Variants in PDZD2 observed in about 807,000 individuals in gnomAD.
The protein encoded by PDZD2 is PDZ domain-containing protein 2.
In PDZD2, 90 loss-of-function variants were observed where a neutral mutation model predicts 220.7. The observed-to-expected ratio is 0.41, with a 90% CI of 0.34 to 0.49. The LOEUF (loss-of-function observed/expected upper bound fraction) is 0.49. PDZD2 is among the 20% of genes least tolerant of loss of function. The probability of loss-of-function intolerance (pLI) is 0.28; values close to 1 mark genes in which losing one functional copy is unlikely to be tolerated. For synonymous variants in PDZD2, 1,375 were observed against 1,450.5 expected (o/e 0.95, Z 1.18); for missense variants, 3,174 against 3,608.5 (o/e 0.88, Z 3.08).
chr5:31,705,905 C>T (rs1282851436), intron 1 of PDZD2, among the ~76,000 whole-genome samples: 1 of 152,096 alleles, frequency 6.6e-6, no homozygotes, highest in Non-Finnish European at 1.5e-5. Context: ...ACAAAATTTA[C>T]CTGGGCGTGG....
At chr5:31,767,081 G>C (rs1752073113) in intron 1 of PDZD2, among the ~76,000 whole-genome samples, 1 of 145,576 alleles carries the variant, frequency 6.9e-6, no homozygotes. Flanking sequence ...GTGGAGACTG[G>C]AGTGCAGTGG....
intron 1 of PDZD2, among the ~76,000 whole-genome samples, chr5:31,682,355 C>G (rs1746684210): frequency 6.6e-6 from 1 of 152,142 alleles, no homozygotes; most frequent in Non-Finnish European, 1.5e-5. Context: ...AAACTGTCCC[C>G]CGGGAGAATG....
At chr5:31,964,802 G>A (rs6895106) in intron 2 of PDZD2, among the ~76,000 whole-genome samples, 14,377 of 152,154 alleles carry the variant, frequency 0.094, 745 homozygotes, top group Middle Eastern at 0.12. Context: ...TGCAAGCTCC[G>A]CCTCCCGGGT....
chr5:32,073,660 A>G (rs1048002200), intron 17 of PDZD2, among the ~76,000 whole-genome samples, 172 bp from the exon 18 acceptor site: 6 of 152,232 alleles, frequency 3.9e-5, no homozygotes, highest in Admixed American at 1.3e-4. Flanking sequence ...TATCTACTCC[A>G]TATAGCCTCC....
In PDZD2 at chr5:32,014,706, C is replaced by CTT. The variant is rs556276502; in HGVS notation, c.1407+4251_1407+4252dup. Among the ~76,000 whole-genome samples, 13 of 95,420 alleles carry CTT rather than the reference C, an allele frequency of 1.4e-4. 2 individuals are homozygous for CTT. The highest frequency in any genetic ancestry group is 4.4e-4 in the African/African-American group (10 of 22,884). The allele number at this position is 95,420 out of a possible 152,430, so 62.6% of individuals were successfully genotyped here. On this transcript the variant is annotated intron_variant, in intron 6 of 24. Transcript: ENST00000438447. The stretch of plus-strand genomic sequence containing the variant: ...ATTTTCTGCTCTGCAATGACAATTT[C>CTT]TTTTTTTTTTTTTTTTTTTTTTTTT...
At chr5:31,920,425 A>G (rs1744125410) in intron 2 of PDZD2, among the ~76,000 whole-genome samples, 1 of 151,270 alleles carries the variant, frequency 6.6e-6, no homozygotes, top group Admixed American at 6.6e-5. Flanking sequence ...CATTTGTTAA[A>G]ATTGATGAAC....
At chr5:31,693,520 G>A (rs903371674) in intron 1 of PDZD2, among the ~76,000 whole-genome samples, 2 of 151,932 alleles carry the variant, frequency 1.3e-5, no homozygotes, top group South Asian at 4.2e-4. Context: ...GATTATAGGC[G>A]TGAGCTACCG....
intron 2 of PDZD2, among the ~76,000 whole-genome samples, chr5:31,938,919 A>C (rs1454374619): frequency 1.3e-5 from 2 of 152,194 alleles, no homozygotes; most frequent in East Asian, 3.9e-4. Context: ...GTATGGAGCC[A>C]TCTTGTGTAA....
At chr5:31,869,350 T>C (rs1738531214) in intron 2 of PDZD2, among the ~76,000 whole-genome samples, 1 of 152,104 alleles carries the variant, frequency 6.6e-6, no homozygotes, top group South Asian at 2.1e-4. Context: ...ATCAGCACAG[T>C]CCATCTCTTT....
intron 1 of PDZD2, among the ~76,000 whole-genome samples, chr5:31,761,265 G>A (rs1365278650): frequency 6.6e-6 from 1 of 152,184 alleles, no homozygotes; most frequent in Non-Finnish European, 1.5e-5. Context: ...CAGCGTTTTA[G>A]TCTGGAATAT....
At chr5:31,644,078 C>G (rs1423844268) in intron 1 of PDZD2, among the ~76,000 whole-genome samples, 2 of 152,176 alleles carry the variant, frequency 1.3e-5, no homozygotes, top group Non-Finnish European at 2.9e-5. Flanking sequence ...AGCGATCCAC[C>G]CACCTCAGCC....
intron 1 of PDZD2, among the ~76,000 whole-genome samples, chr5:31,777,879 A>G (rs1238519353): frequency 6.6e-5 from 10 of 152,224 alleles, no homozygotes; most frequent in Middle Eastern, 3.4e-3. Context: ...AAATTCACCA[A>G]TCAACACTCT....
At chr5:32,003,238 T>C (rs1277085289) in intron 5 of PDZD2, among the ~76,000 whole-genome samples, 9 of 2,434 alleles carry the variant, frequency 3.7e-3, no homozygotes, top group East Asian at 0.017. Flanking sequence ...ACATATACCT[T>C]CACACACACA....
At chr5:31,705,092 C>T (rs376638242) in intron 1 of PDZD2, among the ~76,000 whole-genome samples, 7 of 151,930 alleles carry the variant, frequency 4.6e-5, no homozygotes, top group African/African-American at 9.7e-5. Flanking sequence ...ACTCAGGAGG[C>T]GAAGGTTGCA....
chr5:32,087,954 G>C lies in PDZD2; in HGVS notation c.4506G>C (p.Ser1502=), dbSNP rs763224127. 1 of 1,614,088 alleles carries C rather than the reference G, an allele frequency of 6.2e-7. No homozygotes were observed. Among genetic ancestry groups the C allele is most frequent in the Non-Finnish European group, 8.5e-7 (1 of 1,179,980 alleles). ...ACCCACAATGGGCCTCCCAGCCTTCGGTTTTAGATTCAATTAATCCCGACA... is the reference window on the plus strand; with the variant it reads ...ACCCACAATGGGCCTCCCAGCCTTCCGTTTTAGATTCAATTAATCCCGACA... The part of the protein sequence containing the change: ...PAYPQWASQP[S]VLDSINPDKH... Residue 1502 remains serine, a synonymous_variant, in exon 20 of 25, where the codon TCG becomes TCC. Coordinates refer to ENST00000438447, the MANE Select transcript of PDZD2 (RefSeq NM_178140.4). The surrounding 1 kb of genome is among the most constrained non-coding windows in gnomAD (Gnocchi z 4.0).
At chr5:31,878,598 C>T (rs980418726) in intron 2 of PDZD2, among the ~76,000 whole-genome samples, 1 of 92,490 alleles carries the variant, frequency 1.1e-5, no homozygotes, top group Non-Finnish European at 2.0e-5. Context: ...GTCTCGCTGT[C>T]GCCCAGGCTG....
chr5:31,866,062 C>G (rs555230941), intron 2 of PDZD2, among the ~76,000 whole-genome samples: 1 of 151,646 alleles, frequency 6.6e-6, no homozygotes, highest in East Asian at 1.9e-4. Flanking sequence ...AGTACAGTGG[C>G]ACAATGAGAG....
chr5:31,771,027 G>A (rs997427633), intron 1 of PDZD2, among the ~76,000 whole-genome samples: 4 of 152,174 alleles, frequency 2.6e-5, no homozygotes, highest in Non-Finnish European at 5.9e-5. Flanking sequence ...AAAGACTACC[G>A]TGATGCAATT....
chr5:31,664,260 C>A (rs191728844), intron 1 of PDZD2, among the ~76,000 whole-genome samples: 1 of 152,208 alleles, frequency 6.6e-6, no homozygotes, highest in East Asian at 1.9e-4. Flanking sequence ...ACCTCAGCCT[C>A]CTGAGTAGTC....
Sources: gnomAD v4.1 joint callset for allele counts (sites outside exome capture counted in the v4.1 genomes callset) on GRCh38, gnomAD v4.1.1 for gene constraint, Gnocchi (gnomAD v3.1) non-coding constraint, MANE v1.5 for transcripts, NCBI Gene and HGNC (gene_info 2026-07-23, HGNC 2026-07-21) for gene names.